Variants in RBKS observed in about 807,000 individuals in gnomAD.
RBKS encodes the protein ribokinase.
Under a neutral mutation model 33.9 loss-of-function variants are expected in RBKS, and 33 were observed. The observed-to-expected ratio is 0.97, with a 90% CI of 0.74 to 1.30. The LOEUF is 1.30. Ranked by LOEUF, RBKS falls within the 50% of genes most tolerant of loss-of-function variation. The pLI, the probability that RBKS is intolerant of heterozygous loss-of-function variation, is 0.00. For missense variants in RBKS, 361 were observed against 392.6 expected (o/e 0.92, Z 0.68); for synonymous variants, 125 against 143.0 (o/e 0.87, Z 0.90).
chr2:27,788,466 G>T (rs2148181592), intron 7 of RBKS, among the ~76,000 whole-genome samples: 1 of 152,324 alleles, frequency 6.6e-6, no homozygotes, highest in South Asian at 2.1e-4. Context: ...AGCACTTTCG[G>T]AGGCCGAGAC....
intron 2 of RBKS, among the ~76,000 whole-genome samples, chr2:27,851,700 G>T (rs930695683): frequency 6.6e-6 from 1 of 151,868 alleles, no homozygotes; most frequent in African/African-American, 2.4e-5. Context: ...CATCACACCT[G>T]GCTAATTTTT....
At chr2:27,873,120 C>T (rs537670993) in intron 1 of RBKS, among the ~76,000 whole-genome samples, 1 of 152,274 alleles carries the variant, frequency 6.6e-6, no homozygotes, top group East Asian at 1.9e-4. Flanking sequence ...CTTCCTGAGA[C>T]CTGGCTGTTA....
intron 6 of RBKS, among the ~76,000 whole-genome samples, chr2:27,828,621 A>G (rs530392327): frequency 6.6e-6 from 1 of 152,304 alleles, no homozygotes; most frequent in African/African-American, 2.4e-5. Flanking sequence ...CCCCACACCA[A>G]TTACAATCTG....
rs559810048 is a variant in RBKS, at chr2:27,885,788, C to T, written c.89+4469G>A. Reference sequence around the variant, plus strand: ...AACTTCATGAGGCAGGGATTTTTGTCTGTGTTTTCACTGCTGTATCCTCTG... The same window carrying T: ...AACTTCATGAGGCAGGGATTTTTGTTTGTGTTTTCACTGCTGTATCCTCTG... On this transcript the variant is annotated intron_variant, in intron 1 of 7. Transcript: ENST00000302188. Among the ~76,000 whole-genome samples, 9 of 152,238 alleles carry T rather than the reference C, an allele frequency of 5.9e-5. No homozygotes were observed. The East Asian group carries it at 1.5e-3, about 26-fold the overall frequency.
chr2:27,827,958 A>G (rs1678347542), intron 6 of RBKS, among the ~76,000 whole-genome samples: 1 of 152,234 alleles, frequency 6.6e-6, no homozygotes, highest in African/African-American at 2.4e-5. Flanking sequence ...TCTGGGGACA[A>G]CTGGGGAAAT....
At chr2:27,839,475 T>C (rs1022943073) in intron 5 of RBKS, among the ~76,000 whole-genome samples, 6 of 152,108 alleles carry the variant, frequency 3.9e-5, no homozygotes, top group African/African-American at 1.4e-4. Flanking sequence ...GGGCTACCGA[T>C]TTTTGGTGTT....
chr2:27,848,153 T>C, intron 2 of RBKS, 56 bp from the exon 3 acceptor site: 1 of 1,039,242 alleles, frequency 9.6e-7, no homozygotes, highest in South Asian at 1.5e-5. Context: ...AATGCTACAA[T>C]GTAGTTTTTA....
At chr2:27,861,710 G>A (rs1005956281) in intron 1 of RBKS, among the ~76,000 whole-genome samples, 3 of 150,582 alleles carry the variant, frequency 2.0e-5, no homozygotes, top group African/African-American at 7.3e-5. Context: ...GGAATGCAGT[G>A]GTGTTATCTC....
At chr2:27,832,260 T>C (rs2148205145) in intron 6 of RBKS, among the ~76,000 whole-genome samples, 1 of 152,372 alleles carries the variant, frequency 6.6e-6, no homozygotes, top group East Asian at 1.9e-4. Flanking sequence ...GAATTTAAGA[T>C]AAATGACAGG....
chr2:27,846,809 A>G (rs938621745), intron 4 of RBKS, among the ~76,000 whole-genome samples: 8 of 152,210 alleles, frequency 5.3e-5, no homozygotes, highest in African/African-American at 1.7e-4. Context: ...AACTTCATAT[A>G]TATTGGATTG....
chr2:27,877,718 T>C (rs1034948487), intron 1 of RBKS, among the ~76,000 whole-genome samples: 1 of 152,064 alleles, frequency 6.6e-6, no homozygotes, highest in African/African-American at 2.4e-5. Flanking sequence ...GATCAGAGAG[T>C]GAATGCTTGA....
At chr2:27,875,927 A>G (rs1664307679) in intron 1 of RBKS, among the ~76,000 whole-genome samples, 1 of 152,206 alleles carries the variant, frequency 6.6e-6, no homozygotes. Flanking sequence ...TAAAAGAGGG[A>G]TTACAAATGG....
At position 27,781,563 on chromosome 2, in the gene RBKS, A is replaced by AC; in HGVS notation, c.*51dup. 2 of 1,434,822 alleles carry AC rather than the reference A, an allele frequency of 1.4e-6. No homozygotes were observed. Among genetic ancestry groups the AC allele is most frequent in the Non-Finnish European group, 1.9e-6 (2 of 1,063,898 alleles). 88.9% of individuals were successfully genotyped at this position (1,434,822 alleles called of 1,614,324 possible). A position where few individuals can be genotyped will look rare whatever the true frequency, so the allele number is the denominator to read the frequency against. On this transcript the variant is annotated 3_prime_UTR_variant, in exon 8 of 8. Coordinates refer to ENST00000302188, the MANE Select transcript of RBKS (RefSeq NM_022128.3). ...TAATAAGCATTAGCCAGGAGCAGCC[A>AC]CCCCCAAGTACATTTTATTCCCAGG...
intron 7 of RBKS, among the ~76,000 whole-genome samples, chr2:27,794,305 AAAT>A (rs70953884): frequency 0.16 from 22,149 of 137,524 alleles, 1,851 homozygotes; most frequent in Non-Finnish European, 0.19. Context: ...CCCCCCCACA[AAAT>A]AATAATAATA....
intron 1 of RBKS, chr2:27,870,029 T>C (rs1664171169): frequency 6.6e-6 from 1 of 152,308 alleles, no homozygotes; most frequent in Non-Finnish European, 1.5e-5. Flanking sequence ...ACAAAGTCGA[T>C]TCACCTTGGC....
chr2:27,858,262 T>C (rs1663898741), intron 2 of RBKS, among the ~76,000 whole-genome samples, 177 bp downstream of exon 2: 1 of 152,222 alleles, frequency 6.6e-6, no homozygotes, highest in Non-Finnish European at 1.5e-5. Context: ...TTTGGAATGA[T>C]GGTAAAGTTC....
In RBKS at chr2:27,871,329, A is replaced by C. The variant is rs188139805; in HGVS notation, c.90-12758T>G. Among the ~76,000 whole-genome samples, 463 of 152,350 alleles carry C rather than the reference A, an allele frequency of 3.0e-3. 6 individuals carry two copies. The highest frequency in any genetic ancestry group is 0.01 in the Middle Eastern group (3 of 294). Reference sequence around the variant, plus strand: ...TTTTAATGCGAGGTGCTTGGTCTCCATGTAGCAAAGCAGTTTTGAAGGTTT... The same window carrying C: ...TTTTAATGCGAGGTGCTTGGTCTCCCTGTAGCAAAGCAGTTTTGAAGGTTT... On this transcript the variant is annotated intron_variant, in intron 1 of 7. Transcript: ENST00000302188.
Position 27,781,397 on chromosome 2 carries a change from T to C in RBKS, c.*218A>G. ...ACTTGTCTTTATGTTTGTACAGATC[T>C]TGGTTGTGGAATCTTTAATTCTGGT... is the stretch of plus-strand genomic sequence containing the variant. On this transcript the variant is annotated 3_prime_UTR_variant, in exon 8 of 8. Transcript: ENST00000302188. 1 of 499,030 alleles carries C rather than the reference T, an allele frequency of 2.0e-6. No individual in the cohort carries two copies. Among genetic ancestry groups the C allele is most frequent in the Admixed American group, 3.7e-5 (1 of 27,136 alleles). The allele number at this position is 499,030 out of a possible 1,614,324, so 30.9% of individuals were successfully genotyped here.
intron 2 of RBKS, among the ~76,000 whole-genome samples, chr2:27,852,276 T>C (rs1663765114): frequency 6.6e-6 from 1 of 152,252 alleles, no homozygotes; most frequent in African/African-American, 2.4e-5. Context: ...AAATACAGAC[T>C]GTGTGACAGG....
Sources: allele counts gnomAD v4.1 joint callset (sites outside exome capture counted in the v4.1 genomes callset), GRCh38; gene constraint gnomAD v4.1.1; transcripts MANE v1.5; gene names NCBI Gene and HGNC (gene_info 2026-07-23, HGNC 2026-07-21).